POMK: variants seen among roughly 807,000 people sequenced by gnomAD.
POMK encodes protein O-mannose kinase.
In POMK, 19 loss-of-function variants were observed where a neutral mutation model predicts 23.0. That is an observed-to-expected ratio of 0.83 (90% CI 0.58 to 1.21). The LOEUF is 1.21. POMK is among the 50% of genes most tolerant of loss of function. POMK has a pLI of 0.00. For synonymous variants in POMK, 173 were observed against 171.6 expected (o/e 1.01, Z -0.06); for missense variants, 410 against 431.3 (o/e 0.95, Z 0.44).
intron 4 of POMK, among the ~76,000 whole-genome samples, chr8:43,119,327 T>G (rs1811863352): frequency 6.6e-6 from 1 of 152,018 alleles, no homozygotes; most frequent in Non-Finnish European, 1.5e-5. Context: ...GAGCGTGTGT[T>G]CAATATGAAA....
chr8:43,110,749 A>G (rs1177151122), intron 4 of POMK, among the ~76,000 whole-genome samples: 1 of 152,168 alleles, frequency 6.6e-6, no homozygotes, highest in East Asian at 1.9e-4. Flanking sequence ...CCCCATCTCT[A>G]TTAGAAATAC....
chr8:43,099,963 A>C (rs1163049109), intron 2 of POMK, among the ~76,000 whole-genome samples: 4 of 152,160 alleles, frequency 2.6e-5, no homozygotes, highest in Non-Finnish European at 5.9e-5. Flanking sequence ...CACTCGGGAC[A>C]CACCTATCAC....
intron 4 of POMK, among the ~76,000 whole-genome samples, chr8:43,114,341 C>A (rs1033018798): frequency 6.6e-6 from 1 of 152,210 alleles, no homozygotes; most frequent in Admixed American, 6.5e-5. Context: ...AGGCTCGCTG[C>A]GGCCTTGCAG....
At chr8:43,097,123 A>G (rs1811350583) in intron 1 of POMK, among the ~76,000 whole-genome samples, 1 of 152,230 alleles carries the variant, frequency 6.6e-6, no homozygotes. Flanking sequence ...TCGATTAGAT[A>G]GATAGACAGC....
At chr8:43,111,808 CAG>C (rs1231498531) in intron 4 of POMK, among the ~76,000 whole-genome samples, 10 of 152,228 alleles carry the variant, frequency 6.6e-5, no homozygotes, top group African/African-American at 2.4e-4. Flanking sequence ...CCCAGGCAAA[CAG>C]GGTCTGGAGT....
At chr8:43,119,127 A>G (rs1014283549) in intron 4 of POMK, among the ~76,000 whole-genome samples, 1 of 152,006 alleles carries the variant, frequency 6.6e-6, no homozygotes, top group Non-Finnish European at 1.5e-5. Context: ...TTATTGTTGA[A>G]TGTGTAGCAG....
At chr8:43,114,457 G>A (rs552739552) in intron 4 of POMK, among the ~76,000 whole-genome samples, 15 of 152,310 alleles carry the variant, frequency 9.8e-5, no homozygotes, top group East Asian at 5.8e-4. Context: ...TTTTAAGCCC[G>A]TGGGAAAAGT....
At chr8:43,093,665 C>G (rs1194597858) in intron 1 of POMK, 102 bp downstream of exon 1, 1 of 152,564 alleles carries the variant, frequency 6.6e-6, no homozygotes, top group African/African-American at 2.4e-5. Flanking sequence ...CCCCCCGCAG[C>G]CCCGGCCGCC....
At chr8:43,119,588 A>G (rs903214417) in intron 4 of POMK, among the ~76,000 whole-genome samples, 10 of 151,886 alleles carry the variant, frequency 6.6e-5, no homozygotes, top group Admixed American at 2.6e-4. Context: ...GCGCGCCACC[A>G]CGCCCAGCTA....
chr8:43,093,759 C>T (rs1175903230), intron 1 of POMK, among the ~76,000 whole-genome samples, 196 bp downstream of exon 1: 1 of 152,236 alleles, frequency 6.6e-6, no homozygotes, highest in Non-Finnish European at 1.5e-5. Flanking sequence ...CCTATCTCCG[C>T]GTCCACCCCT....
At chr8:43,118,061 T>C (rs1811833032) in intron 4 of POMK, among the ~76,000 whole-genome samples, 1 of 152,204 alleles carries the variant, frequency 6.6e-6, no homozygotes, top group Non-Finnish European at 1.5e-5. Flanking sequence ...TACATAATAA[T>C]CTTAAGAAAG....
intron 4 of POMK, among the ~76,000 whole-genome samples, chr8:43,114,025 G>T (rs1811740516): frequency 6.6e-6 from 1 of 152,232 alleles, no homozygotes; most frequent in South Asian, 2.1e-4. Context: ...CCCCTACTGG[G>T]GGCTGCCTCC....
Position 43,102,599 on chromosome 8 carries a change from A to G in POMK, c.-23A>G, listed in dbSNP as rs1178304948. ...AGCTGGAGAAGGAGATGCGCTTGGG[A>G]GGTAACCCTGCATGTCACAGCTGTC... On this transcript the variant is annotated splice_region_variant and 5_prime_UTR_variant, in exon 3 of 5. Coordinates refer to ENST00000331373, the MANE Select transcript of POMK (RefSeq NM_032237.5). The G allele has an allele frequency of 6.6e-6, 1 of 152,524 alleles. No individual in the cohort carries two copies. The highest frequency in any genetic ancestry group is 1.5e-5 in the Non-Finnish European group (1 of 68,332). The allele number at this position is 152,524 out of a possible 1,614,324, so 9.4% of individuals were successfully genotyped here.
intron 4 of POMK, among the ~76,000 whole-genome samples, chr8:43,115,996 C>T (rs888087067): frequency 1.3e-5 from 2 of 152,240 alleles, no homozygotes; most frequent in Non-Finnish European, 2.9e-5. Flanking sequence ...GTGGTTCCTT[C>T]CCTTACCTCC....
At chr8:43,100,988 C>T (rs1449461089) in intron 2 of POMK, among the ~76,000 whole-genome samples, 1 of 152,020 alleles carries the variant, frequency 6.6e-6, no homozygotes, top group African/African-American at 2.4e-5. Context: ...CTGGGAGAGT[C>T]AGCAGTGTGA....
At chr8:43,094,961 A>G (rs1216490034) in intron 1 of POMK, among the ~76,000 whole-genome samples, 3 of 152,168 alleles carry the variant, frequency 2.0e-5, no homozygotes, top group African/African-American at 7.2e-5. Flanking sequence ...CTGGACACGA[A>G]AGTTCCTTTA....
chr8:43,118,157 G>T (rs1259954844), intron 4 of POMK, among the ~76,000 whole-genome samples: 3 of 152,074 alleles, frequency 2.0e-5, no homozygotes, highest in African/African-American at 7.2e-5. Context: ...AAAGGTAGTA[G>T]TATCTGTAAA....
chr8:43,096,694 A>G (rs1811341543), intron 1 of POMK, among the ~76,000 whole-genome samples: 1 of 152,166 alleles, frequency 6.6e-6, no homozygotes, highest in Non-Finnish European at 1.5e-5. Context: ...AAGAAAAAAA[A>G]GAAAGCTCTC....
intron 4 of POMK, among the ~76,000 whole-genome samples, chr8:43,104,486 C>T (rs1811508640): frequency 1.3e-5 from 2 of 152,120 alleles, no homozygotes; most frequent in Non-Finnish European, 2.9e-5. Context: ...TAGAATAGTT[C>T]ATTAAATGAT....
Sources: allele counts gnomAD v4.1 joint callset (sites outside exome capture counted in the v4.1 genomes callset), GRCh38; gene constraint gnomAD v4.1.1; transcripts MANE v1.5; gene names NCBI Gene and HGNC (gene_info 2026-07-23, HGNC 2026-07-21).